TESK2: variants seen among roughly 807,000 people sequenced by gnomAD.
The protein encoded by TESK2 is dual specificity testis-specific protein kinase 2.
Under a neutral mutation model 57.1 loss-of-function variants are expected in TESK2, and 39 were observed. The ratio of observed to expected loss-of-function variants is 0.68; its 90% CI spans 0.53 to 0.89. The LOEUF (loss-of-function observed/expected upper bound fraction) is 0.89. TESK2 is among the 40% of genes least tolerant of loss of function. TESK2 has a pLI of 0.00. For missense variants in TESK2, 646 were observed against 732.1 expected, an observed-to-expected ratio of 0.88 and a Z score of 1.36; for synonymous variants, 249 against 267.9, an observed-to-expected ratio of 0.93 and a Z score of 0.69.
At chr1:45,401,257 C>T (rs1030895621) in intron 3 of TESK2, among the ~76,000 whole-genome samples, 37 of 150,518 alleles carry the variant, frequency 2.5e-4, no homozygotes, top group African/African-American at 4.2e-4. Context: ...ATTAGCTGGG[C>T]GTGGTTGCAG....
chr1:45,382,145 T>A (rs1648687043), intron 4 of TESK2, among the ~76,000 whole-genome samples: 2 of 152,264 alleles, frequency 1.3e-5, no homozygotes, highest in South Asian at 4.1e-4. Flanking sequence ...AGTGTTGGGA[T>A]TATAGGCATG....
At chr1:45,355,271 C>T (rs756213955) in intron 5 of TESK2, 32 bp downstream of exon 5, 6 of 1,610,850 alleles carry the variant, frequency 3.7e-6, no homozygotes, top group Non-Finnish European at 2.5e-6. Context: ...GGTGGTATCT[C>T]TCAATGAGTT....
At chr1:45,432,497 C>T (rs1328621771) in intron 2 of TESK2, among the ~76,000 whole-genome samples, 3 of 151,492 alleles carry the variant, frequency 2.0e-5, no homozygotes, top group Non-Finnish European at 2.9e-5. Context: ...CAAGACCATC[C>T]TGGCTAACAC....
intron 4 of TESK2, among the ~76,000 whole-genome samples, chr1:45,361,568 A>G (rs1036533283): frequency 1.3e-5 from 2 of 152,168 alleles, no homozygotes; most frequent in African/African-American, 4.8e-5. Flanking sequence ...CTTCCATTTC[A>G]TTTGTGTTTG....
chr1:45,451,740 T>C (rs896418471), intron 2 of TESK2, among the ~76,000 whole-genome samples: 5 of 152,100 alleles, frequency 3.3e-5, no homozygotes, highest in African/African-American at 1.2e-4. Flanking sequence ...ATAATTAAAA[T>C]CTTTATTTGG....
intron 3 of TESK2, among the ~76,000 whole-genome samples, chr1:45,389,317 G>A (rs1357543541): frequency 6.6e-6 from 1 of 152,142 alleles, no homozygotes; most frequent in Non-Finnish European, 1.5e-5. Flanking sequence ...GGAGGCTGAG[G>A]TGGGAGGACC....
intron 3 of TESK2, among the ~76,000 whole-genome samples, chr1:45,410,615 AAAT>A (rs1650000590): frequency 6.6e-6 from 1 of 152,050 alleles, no homozygotes; most frequent in African/African-American, 2.4e-5. Flanking sequence ...CAAAAAAAAA[AAAT>A]TTTTTTTTAA....
chr1:45,473,237 T>C lies in TESK2; in HGVS notation c.-86-15366A>G, dbSNP rs546591560. ...TCTAGGTAATACCGAGTTCCTACCA[T>C]GCACCAAAGCCCAGGCACCTTCTTT... is the stretch of plus-strand genomic sequence containing the variant. On this transcript the variant is annotated intron_variant, in intron 1 of 10. Transcript: ENST00000372086. 5.9e-5 allele frequency among the ~76,000 whole-genome samples: 9 copies of C among 151,830 alleles called. No individual in the cohort carries two copies. In the South Asian group the frequency reaches 1.0e-3, roughly 18 times the overall value.
At chr1:45,449,593 A>G (rs1366421480) in intron 2 of TESK2, among the ~76,000 whole-genome samples, 1 of 152,128 alleles carries the variant, frequency 6.6e-6, no homozygotes, top group East Asian at 1.9e-4. Context: ...TGCTATCAAG[A>G]GTGTGGTGAT....
At chr1:45,384,593 ATTTTTTTT>A (rs59988269) in intron 4 of TESK2, among the ~76,000 whole-genome samples, 203 of 70,794 alleles carry the variant, frequency 2.9e-3, no homozygotes, top group African/African-American at 0.011. Flanking sequence ...CTAATTATTA[ATTTTTTTT>A]TTTTTTTTTT....
intron 3 of TESK2, chr1:45,415,413 A>G: frequency 1.4e-6 from 1 of 731,586 alleles, no homozygotes; most frequent in South Asian, 1.6e-5. Flanking sequence ...GCACTCCTCC[A>G]CCCCATTTGC....
At chr1:45,382,258 A>G (rs1648691673) in intron 4 of TESK2, among the ~76,000 whole-genome samples, 1 of 151,836 alleles carries the variant, frequency 6.6e-6, no homozygotes. Flanking sequence ...ATATTTTTTG[A>G]AACAGGGTCT....
intron 2 of TESK2, among the ~76,000 whole-genome samples, chr1:45,429,008 A>G (rs1016973635): frequency 1.3e-5 from 2 of 151,318 alleles, no homozygotes; most frequent in Non-Finnish European, 2.9e-5. Context: ...TTTTTAGTAG[A>G]GACGGGGTTT....
chr1:45,402,121 G>A (rs1157196301), intron 3 of TESK2, among the ~76,000 whole-genome samples: 6 of 150,670 alleles, frequency 4.0e-5, no homozygotes, highest in Admixed American at 3.3e-4. Flanking sequence ...CAGGCACAGT[G>A]ACTCACACCT....
chr1:45,371,709 CA>C (rs113775200), intron 4 of TESK2, among the ~76,000 whole-genome samples: 2 of 146,676 alleles, frequency 1.4e-5, no homozygotes, highest in East Asian at 2.1e-4. Flanking sequence ...CAAAAAATAC[CA>C]AAAAAAAATT....
chr1:45,373,085 G>A (rs544076937), intron 4 of TESK2, among the ~76,000 whole-genome samples: 10 of 150,696 alleles, frequency 6.6e-5, no homozygotes, highest in African/African-American at 2.4e-4. Context: ...GCACAACAAC[G>A]TGATAATACT....
rs563164386 is a variant in TESK2 at position 45,448,175 on chromosome 1, C to T, written c.222+9389G>A. ...ATCACTTGAGCTTGGTAATTCAAGG[C>T]TTCTGTGAGCCATGACCACACCACC... On this transcript the variant is annotated intron_variant, in intron 2 of 10. Transcript: ENST00000372086. Among the ~76,000 whole-genome samples the T allele has an allele frequency of 2.9e-5, 4 of 138,540 alleles. No homozygotes were observed. In the South Asian group the frequency reaches 9.1e-4, roughly 31 times the overall value. 90.9% of individuals were successfully genotyped at this position (138,540 alleles called of 152,430 possible). A position where few individuals can be genotyped will look rare whatever the true frequency, so the allele number is the denominator to read the frequency against.
intron 1 of TESK2, among the ~76,000 whole-genome samples, chr1:45,487,119 G>A (rs540083496): frequency 3.8e-4 from 58 of 152,010 alleles, no homozygotes; most frequent in African/African-American, 1.3e-3. Context: ...GTGAGCAACC[G>A]CACCCAGCCA....
At chr1:45,419,595 C>A (rs986509540) in intron 3 of TESK2, among the ~76,000 whole-genome samples, 7 of 151,930 alleles carry the variant, frequency 4.6e-5, no homozygotes, top group Middle Eastern at 3.4e-3. Flanking sequence ...TACCTGAGGT[C>A]AGGAGTTCAA....
Sources: allele counts gnomAD v4.1 joint callset (sites outside exome capture counted in the v4.1 genomes callset), GRCh38; gene constraint gnomAD v4.1.1; transcripts MANE v1.5; gene names NCBI Gene and HGNC (gene_info 2026-07-23, HGNC 2026-07-21).